The following CSTPP1 variants were observed in gnomAD, a reference collection of about 807,000 sequenced individuals.
The protein encoded by CSTPP1 is centriolar satellite-associated tubulin polyglutamylase complex regulator 1, also known as UPF0705 protein C11orf49.
At chr11:47,019,009 TTTA>T in the CSTPP1 span, among the ~76,000 whole-genome samples, 1 of 152,018 alleles carries the variant, frequency 6.6e-6, no homozygotes. Context: ...AGAGCAAAAG[TTTA>T]TTTTTTTTTT....
At chr11:46,997,107 G>A in the CSTPP1 span, among the ~76,000 whole-genome samples, 1 of 152,072 alleles carries the variant, frequency 6.6e-6, no homozygotes, top group Non-Finnish European at 1.5e-5. Context: ...GGCTTTCCTC[G>A]CTAGGTTGGG....
chr11:47,105,945 T>A, the CSTPP1 span, among the ~76,000 whole-genome samples: 1 of 152,232 alleles, frequency 6.6e-6, no homozygotes, highest in Admixed American at 6.5e-5. Context: ...TTGAAATTAT[T>A]TTTAGAAAGG....
At chr11:47,090,304 G>A in the CSTPP1 span, among the ~76,000 whole-genome samples, 5 of 151,984 alleles carry the variant, frequency 3.3e-5, no homozygotes, top group Admixed American at 1.3e-4. Flanking sequence ...GTTCTTTAAG[G>A]GTATCTACTA....
At chr11:47,145,549 T>C in the CSTPP1 span, among the ~76,000 whole-genome samples, 1 of 151,932 alleles carries the variant, frequency 6.6e-6, no homozygotes, top group Non-Finnish European at 1.5e-5. Flanking sequence ...GAGGCAGAGG[T>C]TGCAGTGAGC....
the CSTPP1 span, among the ~76,000 whole-genome samples, chr11:47,063,086 CTT>C: frequency 2.6e-5 from 4 of 152,180 alleles, no homozygotes; most frequent in African/African-American, 7.2e-5. Flanking sequence ...AAGTTTCACT[CTT>C]AATTCAGTCA....
At chr11:47,145,238 G>A in the CSTPP1 span, among the ~76,000 whole-genome samples, 12 of 151,798 alleles carry the variant, frequency 7.9e-5, no homozygotes, top group East Asian at 2.0e-4. Flanking sequence ...TGCCTGCCTC[G>A]GCCTCCCAAA....
At chr11:47,090,067 T>G in the CSTPP1 span, among the ~76,000 whole-genome samples, 1 of 152,296 alleles carries the variant, frequency 6.6e-6, no homozygotes, top group Admixed American at 6.5e-5. Flanking sequence ...CCACAACCTC[T>G]GCCTCCCAGG....
the CSTPP1 span, among the ~76,000 whole-genome samples, chr11:47,006,755 A>ATT: frequency 4.2e-3 from 543 of 129,882 alleles, 5 homozygotes; most frequent in African/African-American, 0.014. Flanking sequence ...CACTCAGCTA[A>ATT]TTTTTTTTTT....
the CSTPP1 span, among the ~76,000 whole-genome samples, chr11:47,063,598 T>C: frequency 6.6e-6 from 1 of 152,234 alleles, no homozygotes; most frequent in African/African-American, 2.4e-5. Context: ...GTGTCTCACT[T>C]ATGTAACTTA....
the CSTPP1 span, among the ~76,000 whole-genome samples, chr11:47,134,227 T>A: frequency 6.6e-6 from 1 of 152,124 alleles, no homozygotes; most frequent in African/African-American, 2.4e-5. Flanking sequence ...GGAAGGAGTC[T>A]CACTCTGTCA....
At chr11:47,015,344 C>CAG in the CSTPP1 span, among the ~76,000 whole-genome samples, 22 of 151,354 alleles carry the variant, frequency 1.5e-4, no homozygotes. Flanking sequence ...CATGGTGGTG[C>CAG]GCGCCTGTAA....
chr11:46,939,082 C>CTTTTTTTTTT, the CSTPP1 span, among the ~76,000 whole-genome samples: 1 of 84,768 alleles, frequency 1.2e-5, no homozygotes, highest in Non-Finnish European at 2.3e-5. Context: ...TGGCTTACAT[C>CTTTTTTTTTT]TTTTTTTTTT....
chr11:47,074,040 A>G, the CSTPP1 span, among the ~76,000 whole-genome samples: 3 of 152,150 alleles, frequency 2.0e-5, no homozygotes, highest in Admixed American at 2.0e-4. Flanking sequence ...TTCTTCTTCT[A>G]TTAAAAAAAT....
chr11:46,994,454 A>G, the CSTPP1 span, among the ~76,000 whole-genome samples: 4 of 152,196 alleles, frequency 2.6e-5, no homozygotes, highest in South Asian at 4.1e-4. Flanking sequence ...CACCCCGTCA[A>G]TACCTGATTT....
the CSTPP1 span, among the ~76,000 whole-genome samples, chr11:47,138,682 C>A: frequency 6.6e-6 from 1 of 152,028 alleles, no homozygotes; most frequent in African/African-American, 2.4e-5. Flanking sequence ...TTACTTAACT[C>A]AAAACCTGAG....
chr11:47,003,147 C>T, the CSTPP1 span, among the ~76,000 whole-genome samples: 1 of 152,216 alleles, frequency 6.6e-6, no homozygotes. Context: ...CCTGTCTCTA[C>T]AAGAAGAATA....
chr11:46,960,173 AT>A, the CSTPP1 span, among the ~76,000 whole-genome samples: 1 of 152,092 alleles, frequency 6.6e-6, no homozygotes, highest in Non-Finnish European at 1.5e-5. Flanking sequence ...GGCCTAAATA[AT>A]TTTTTGAAAG....
chr11:46,944,536 A>G, the CSTPP1 span, among the ~76,000 whole-genome samples: 1 of 152,046 alleles, frequency 6.6e-6, no homozygotes, highest in Admixed American at 6.6e-5. Flanking sequence ...CTCTGAATCT[A>G]ACACCTTGTT....
At chr11:47,115,984 T>C in the CSTPP1 span, among the ~76,000 whole-genome samples, 1 of 152,246 alleles carries the variant, frequency 6.6e-6, no homozygotes, top group Non-Finnish European at 1.5e-5. Context: ...TACACACTGC[T>C]TTAAATGTGT....
Sources: gnomAD v4.1 joint callset for allele counts (sites outside exome capture counted in the v4.1 genomes callset) on GRCh38, gnomAD v4.1.1 for gene constraint, MANE v1.5 for transcripts, NCBI Gene and HGNC (gene_info 2026-07-23, HGNC 2026-07-21) for gene names.